The following RAD51AP2 variants were observed in gnomAD, a reference collection of about 807,000 sequenced individuals.
The protein encoded by RAD51AP2 is RAD51-associated protein 2.
In RAD51AP2, 67 loss-of-function variants were observed where a neutral mutation model predicts 85.5. The ratio of observed to expected loss-of-function variants is 0.78; its 90% CI spans 0.64 to 0.96. The LOEUF is 0.96. Ranked by LOEUF, RAD51AP2 falls within the 40% of genes least tolerant of loss-of-function variation. The pLI, the probability that RAD51AP2 is intolerant of heterozygous loss-of-function variation, is 0.00. For synonymous variants in RAD51AP2, 474 were observed against 446.5 expected, an observed-to-expected ratio of 1.06 and a Z score of -0.78; for missense variants, 1,307 against 1,332.4, an observed-to-expected ratio of 0.98 and a Z score of 0.30.
upstream of RAD51AP2, among the ~76,000 whole-genome samples, chr2:17,521,184 T>C (rs1455208072): frequency 6.6e-6 from 1 of 152,144 alleles, no homozygotes; most frequent in Non-Finnish European, 1.5e-5. Context: ...AATGGATTCA[T>C]GGTGTCTTGA....
At chr2:17,526,321 G>A in the RAD51AP2 span, among the ~76,000 whole-genome samples, 60 of 149,092 alleles carry the variant, frequency 4.0e-4, no homozygotes, top group African/African-American at 1.2e-3. Flanking sequence ...CACAAGGCTC[G>A]TCTTTCAATA....
the RAD51AP2 span, among the ~76,000 whole-genome samples, chr2:17,535,935 CAA>C: frequency 4.1e-3 from 236 of 57,226 alleles, no homozygotes; most frequent in African/African-American, 0.012. Flanking sequence ...GTAAGAACAC[CAA>C]AAAAAAAAAA....
Position 17,516,132 on chromosome 2 carries a change from C to A in RAD51AP2, c.2284G>T (p.Asp762Tyr). Reference sequence around the variant, plus strand: ...CCCTGTTTTCTTTCCATATTTAAATCTTGGCTGTGCATATTTACTTCATAA... The same window carrying A: ...CCCTGTTTTCTTTCCATATTTAAATATTGGCTGTGCATATTTACTTCATAA... The part of the protein sequence containing the change: ...NFYEVNMHSQ[D>Y]LNMERKQGHN... The change falls in exon 1 of 3, where the codon GAT (aspartate) becomes TAT (tyrosine). Residue 762 changes from aspartate to tyrosine, a missense_variant. By Grantham distance (160) the Asp-to-Tyr change is radical (BLOSUM62 -3). Transcript: ENST00000399080. 1.9e-6 allele frequency: 3 copies of A among 1,612,380 alleles called. No homozygotes were observed. Among genetic ancestry groups the A allele is most frequent in the Non-Finnish European group, 1.7e-6 (2 of 1,179,516 alleles).
rs1184034411 is a variant in RAD51AP2, at chr2:17,517,064, A to T, written c.1352T>A (p.Val451Asp). ...LSKEDYHCAK[V>D]INAYEEQSKL... The stretch of plus-strand genomic sequence containing the variant: ...TGATTGTTCTTCATATGCATTGATG[A>T]CTTTTGCACAGTGGTAATCTTCCTT... Residue 451 changes from valine (V) to aspartate (D), a missense_variant, in exon 1 of 3, where the codon GTC becomes GAC. Val to Asp is a radical substitution (Grantham distance 152). Around this residue, in one of 3 missense-constraint regions of RAD51AP2, gnomAD observed 635 missense variants for 643.6 expected, o/e 0.99. Coordinates refer to ENST00000399080, the MANE Select transcript of RAD51AP2 (RefSeq NM_001099218.3). 1 of 1,612,038 alleles carries T rather than the reference A, an allele frequency of 6.2e-7. No homozygotes were observed. Among genetic ancestry groups the T allele is most frequent in the South Asian group, 1.1e-5 (1 of 90,356 alleles).
rs1231511633 is a variant in RAD51AP2, at chr2:17,515,645, G to T, written c.2771C>A (p.Ala924Glu). 1 of 1,612,684 alleles carries T rather than the reference G, an allele frequency of 6.2e-7. No individual in the cohort carries two copies. The highest frequency in any genetic ancestry group is 1.1e-5 in the South Asian group (1 of 90,674). The change falls in exon 1 of 3, where the codon GCA (alanine) becomes GAA (glutamate). Residue 924 changes from alanine to glutamate, a missense_variant. Transcript: ENST00000399080. The stretch of plus-strand genomic sequence containing the variant: ...TTCAAATTGATGATTAATATATAAT[G>T]CAGAGTCATTCTTTCTGTGAAAATC... ...SKDFHRKNDS[A>E]LYINHQFETG...
chr2:17,523,314 G>C (rs942092420), upstream of RAD51AP2, among the ~76,000 whole-genome samples: 36 of 151,772 alleles, frequency 2.4e-4, no homozygotes, highest in African/African-American at 8.5e-4. Context: ...TCCCAACTGT[G>C]TATTTCAGTA....
At chr2:17,513,749 A>C (rs540746593) in intron 2 of RAD51AP2, among the ~76,000 whole-genome samples, 1 of 152,198 alleles carries the variant, frequency 6.6e-6, no homozygotes, top group Admixed American at 6.5e-5. Context: ...AACACTTAAC[A>C]TATAGTCACT....
chr2:17,532,047 TG>T, the RAD51AP2 span, among the ~76,000 whole-genome samples: 245 of 151,188 alleles, frequency 1.6e-3, 1 homozygote, highest in East Asian at 0.014. Flanking sequence ...AAAGCCGGGG[TG>T]GGGGGGGAAG....
chr2:17,516,581 A>G lies in RAD51AP2; in HGVS notation c.1835T>C (p.Met612Thr), dbSNP rs1662678768. The change falls in exon 1 of 3, where the codon ATG becomes ACG. Residue 612 changes from methionine to threonine, a missense_variant. Around this residue, in one of 3 missense-constraint regions of RAD51AP2, gnomAD observed 668 missense variants for 671.0 expected, o/e 1.00. Transcript: ENST00000399080. ...ELEEECIFKC[M>T]LYLKYPKNIV... ...ATTTTTTGGATACTTCAAATAAAGC[A>G]TGCACTTGAAAATGCATTCCTCTTC... 5 of 1,586,992 alleles carry G rather than the reference A, an allele frequency of 3.2e-6. No individual in the cohort carries two copies. The highest frequency in any genetic ancestry group is 4.3e-6 in the Non-Finnish European group (5 of 1,166,246).
upstream of RAD51AP2, among the ~76,000 whole-genome samples, chr2:17,519,712 A>G (rs1168475666): frequency 6.6e-6 from 1 of 152,172 alleles, no homozygotes; most frequent in African/African-American, 2.4e-5. Context: ...CTTCATTAAC[A>G]CTATAAATAA....
rs1662626789 is a variant in RAD51AP2, at chr2:17,515,459, T to G, written c.2957A>C (p.Glu986Ala). 1 of 1,613,442 alleles carries G rather than the reference T, an allele frequency of 6.2e-7. No individual in the cohort carries two copies. The highest frequency in any genetic ancestry group is 1.1e-5 in the South Asian group (1 of 90,930). The change falls in exon 1 of 3, where the codon GAA (glutamate) becomes GCA (alanine). Residue 986 changes from glutamate to alanine, a missense_variant. Physicochemically the swap from Glu to Ala is moderately radical, Grantham distance 107. Transcript: ENST00000399080. Reference protein sequence around the residue: ...RMFHEISRENELLSTVETNNG... With the variant: ...RMFHEISRENALLSTVETNNG... ...GTTTGTTTCCACAGTGCTTAGAAGT[T>G]CATTTTCCCTACTAATTTCATGAAA...
upstream of RAD51AP2, among the ~76,000 whole-genome samples, chr2:17,521,725 CAT>C (rs1460182748): frequency 6.6e-6 from 1 of 151,992 alleles, no homozygotes; most frequent in Admixed American, 6.6e-5. Flanking sequence ...TAATTTGTAA[CAT>C]AAATAACATC....
At chr2:17,512,834 T>A (rs1213175820) in intron 2 of RAD51AP2, among the ~76,000 whole-genome samples, 1 of 152,216 alleles carries the variant, frequency 6.6e-6, no homozygotes, top group African/African-American at 2.4e-5. Flanking sequence ...TGGGCTTTGA[T>A]CTTCCAATGT....
rs1662754789 is a variant in RAD51AP2, at chr2:17,518,218, C to G, written c.198G>C (p.Leu66Phe). The G allele has an allele frequency of 6.2e-7, 1 of 1,614,120 alleles. No homozygotes were observed. The highest frequency in any genetic ancestry group is 1.3e-5 in the African/African-American group (1 of 75,022). ...GGAGTCCCTTGAAGGGTCTAGGGGA[C>G]AACTCCCAGACTTTTTCCGCCTCAG... ...RLSEAEKVWE[L>F]SPRPFKGLLV... The change falls in exon 1 of 3, where the codon TTG becomes TTC. Residue 66 changes from leucine to phenylalanine, a missense_variant. Transcript: ENST00000399080.
the RAD51AP2 span, among the ~76,000 whole-genome samples, chr2:17,530,192 G>A: frequency 7.9e-5 from 12 of 152,224 alleles, no homozygotes; most frequent in South Asian, 2.5e-3. Context: ...TGAATAAAAT[G>A]TGTCACCAAG....
At chr2:17,525,057 A>G in the RAD51AP2 span, among the ~76,000 whole-genome samples, 1 of 151,964 alleles carries the variant, frequency 6.6e-6, no homozygotes, top group African/African-American at 2.4e-5. Context: ...AGGTAGGAAT[A>G]AAGATGAATT....
At position 17,518,403 on chromosome 2, in the gene RAD51AP2, G is replaced by C. The variant is rs1172385752; in HGVS notation, c.13C>G (p.Gln5Glu). The part of the protein sequence containing the change: MSLP[Q>E]PTPRMAELRK... The stretch of plus-strand genomic sequence containing the variant: ...AGCTCGGCCATCCGCGGCGTGGGCT[G>C]AGGGAGAGACATGACAGCGAATGGA... Residue 5 changes from glutamine (Q) to glutamate (E), a missense_variant, in exon 1 of 3, where the codon CAG becomes GAG. Around this residue, in one of 3 missense-constraint regions of RAD51AP2, gnomAD observed 635 missense variants for 643.6 expected, o/e 0.99. Coordinates refer to ENST00000399080, the MANE Select transcript of RAD51AP2 (RefSeq NM_001099218.3). 6.2e-7 allele frequency: 1 copy of C among 1,611,970 alleles called. No individual in the cohort carries two copies. The highest frequency in any genetic ancestry group is 8.5e-7 in the Non-Finnish European group (1 of 1,179,534).
At chr2:17,537,026 A>G in the RAD51AP2 span, among the ~76,000 whole-genome samples, 1 of 152,316 alleles carries the variant, frequency 6.6e-6, no homozygotes, top group South Asian at 2.1e-4. Flanking sequence ...AAGATTTAAA[A>G]AGTCAGAATA....
chr2:17,522,781 T>G (rs530428271), upstream of RAD51AP2, among the ~76,000 whole-genome samples: 15 of 152,092 alleles, frequency 9.9e-5, no homozygotes, highest in South Asian at 3.1e-3. Context: ...CATATAAACT[T>G]AAAATACTTA....
Sources: allele counts gnomAD v4.1 joint callset (sites outside exome capture counted in the v4.1 genomes callset), GRCh38; gene constraint gnomAD v4.1.1; regional missense constraint gnomAD v4.1.1; transcripts MANE v1.5; gene names NCBI Gene and HGNC (gene_info 2026-07-23, HGNC 2026-07-21).